Variants in ANKRD28 observed in about 807,000 individuals in gnomAD.
The protein encoded by ANKRD28 is serine/threonine-protein phosphatase 6 regulatory ankyrin repeat subunit A.
In ANKRD28, 44 loss-of-function variants were observed where a neutral mutation model predicts 126.5. The observed-to-expected ratio is 0.35, with a 90% CI of 0.27 to 0.45. The LOEUF (loss-of-function observed/expected upper bound fraction) is 0.45, where lower values mean the gene tolerates loss of function less well. ANKRD28 is among the 20% of genes least tolerant of loss of function. The pLI, the probability that ANKRD28 is intolerant of heterozygous loss-of-function variation, is 1.00. For missense variants in ANKRD28, 1,110 were observed against 1,316.6 expected, an observed-to-expected ratio of 0.84 and a Z score of 2.43; for synonymous variants, 442 against 468.5, an observed-to-expected ratio of 0.94 and a Z score of 0.73.
intron 10 of ANKRD28, among the ~76,000 whole-genome samples, chr3:15,713,286 T>G (rs1174192817): frequency 6.6e-6 from 1 of 152,166 alleles, no homozygotes; most frequent in Non-Finnish European, 1.5e-5. Context: ...TGATCAAAAC[T>G]GCGTTATTAC....
intron 1 of ANKRD28, among the ~76,000 whole-genome samples, chr3:15,805,427 T>C (rs2060557250): frequency 6.6e-6 from 1 of 152,206 alleles, no homozygotes; most frequent in Non-Finnish European, 1.5e-5. Flanking sequence ...TAAAATATCC[T>C]AGTCAATCTG....
chr3:15,796,003 T>C (rs927952591), intron 1 of ANKRD28, among the ~76,000 whole-genome samples: 1 of 152,134 alleles, frequency 6.6e-6, no homozygotes, highest in Admixed American at 6.5e-5. Context: ...TATATGTAAA[T>C]ACATAAAATT....
intron 27 of ANKRD28, among the ~76,000 whole-genome samples, chr3:15,672,215 G>A (rs558915839): frequency 1.3e-5 from 2 of 148,618 alleles, no homozygotes; most frequent in Admixed American, 6.8e-5. Context: ...TAATGATCAT[G>A]CTCACTGCAC....
At chr3:15,793,836 C>T (rs944711006) in intron 2 of ANKRD28, among the ~76,000 whole-genome samples, 1 of 152,272 alleles carries the variant, frequency 6.6e-6, no homozygotes, top group East Asian at 1.9e-4. Context: ...GAGGCCAAGG[C>T]GGGCCGATCA....
At chr3:15,779,701 G>A (rs989260875) in intron 2 of ANKRD28, among the ~76,000 whole-genome samples, 2 of 152,154 alleles carry the variant, frequency 1.3e-5, no homozygotes, top group Non-Finnish European at 2.9e-5. Context: ...CAATATGGAA[G>A]GCATGGTTCT....
At chr3:15,697,471 GAAATA>G (rs1168358963) in intron 14 of ANKRD28, 1 of 151,330 alleles carries the variant, frequency 6.6e-6, no homozygotes, top group Non-Finnish European at 1.5e-5. Flanking sequence ...AGGAACTATT[GAAATA>G]AAATACAATA....
intron 4 of ANKRD28, among the ~76,000 whole-genome samples, chr3:15,747,842 G>C (rs2057584399): frequency 1.3e-5 from 2 of 152,238 alleles, no homozygotes; most frequent in South Asian, 4.1e-4. Flanking sequence ...CTTAGGTCTA[G>C]TAGTCACTGT....
rs182933778 is a variant in ANKRD28, at chr3:15,721,182, T to A, written c.784-55A>T. On this transcript the variant is annotated intron_variant, in intron 7 of 27. Coordinates refer to ENST00000683139, the MANE Select transcript of ANKRD28 (RefSeq NM_001349278.2). ...AAAGTAGTTTTGCTAATTATCAATG[T>A]TGTGAGCTATTTTAGCAACCTGTGG... The A allele has an allele frequency of 6.2e-5, 93 of 1,496,518 alleles. 1 individual carries two copies. The highest frequency in any genetic ancestry group is 2.8e-5 in the African/African-American group (2 of 71,826). 92.7% of individuals were successfully genotyped at this position (1,496,518 alleles called of 1,614,324 possible).
At position 15,830,218 on chromosome 3, in the gene ANKRD28, G is replaced by A. The variant is rs904767061; in HGVS notation, c.27+29159C>T. 1.3e-5 allele frequency among the ~76,000 whole-genome samples: 2 copies of A among 152,090 alleles called. No homozygotes were observed. Among genetic ancestry groups the A allele is most frequent in the African/African-American group, 2.4e-5 (1 of 41,406 alleles). ...TAATGCGAATGTCGAAGTAAAAAACGCATATAACATTTTATTATTATGATA... is the reference window on the plus strand; with the variant it reads ...TAATGCGAATGTCGAAGTAAAAAACACATATAACATTTTATTATTATGATA... On this transcript the variant is annotated intron_variant, in intron 1 of 27. Transcript: ENST00000399451. The surrounding 1 kb of genome is among the most constrained non-coding windows in gnomAD (Gnocchi z 4.5).
intron 1 of ANKRD28, 123 bp downstream of exon 1, chr3:15,796,282 C>G: frequency 2.2e-6 from 1 of 448,244 alleles, no homozygotes; most frequent in South Asian, 3.1e-5. Flanking sequence ...CATATCTACA[C>G]ACGTATTGCT....
chr3:15,724,617 C>A, intron 6 of ANKRD28, 93 bp from the exon 7 acceptor site: 1 of 1,185,846 alleles, frequency 8.4e-7, no homozygotes, highest in Non-Finnish European at 1.2e-6. Context: ...TTAAAAAATG[C>A]AAAATAGATG....
At chr3:15,855,423 C>G (rs768088992) in intron 1 of ANKRD28, among the ~76,000 whole-genome samples, 3 of 152,116 alleles carry the variant, frequency 2.0e-5, no homozygotes, top group Non-Finnish European at 2.9e-5. Context: ...AAAGATGGCT[C>G]CTACACAAAA....
At chr3:15,836,244 TTA>T in intron 1 of ANKRD28, among the ~76,000 whole-genome samples, 1 of 152,044 alleles carries the variant, frequency 6.6e-6, no homozygotes, top group East Asian at 1.9e-4. Context: ...ATTACATAAA[TTA>T]ACATAATATA....
At chr3:15,736,640 T>C (rs1458470462) in intron 5 of ANKRD28, among the ~76,000 whole-genome samples, 1 of 152,256 alleles carries the variant, frequency 6.6e-6, no homozygotes. Flanking sequence ...TTTTGATGGT[T>C]CTGTCACTAA....
chr3:15,721,741 G>A lies in ANKRD28; in HGVS notation c.784-614C>T, dbSNP rs1017797107. 7.9e-5 allele frequency among the ~76,000 whole-genome samples: 12 copies of A among 152,212 alleles called. No homozygotes were observed. In the South Asian group the frequency reaches 1.0e-3, roughly 13 times the overall value. ...AATGAGAAACAATTCATGTAATTAA[G>A]GGTTTTGCTTTTCTTTTTTTTGAGA... On this transcript the variant is annotated intron_variant, in intron 7 of 27. Coordinates refer to ENST00000683139, the MANE Select transcript of ANKRD28 (RefSeq NM_001349278.2).
At chr3:15,788,613 A>G (rs569618717) in intron 2 of ANKRD28, among the ~76,000 whole-genome samples, 12 of 152,190 alleles carry the variant, frequency 7.9e-5, no homozygotes, top group Non-Finnish European at 1.6e-4. Flanking sequence ...TAAAAAATTA[A>G]TATTTGTAGA....
intron 4 of ANKRD28, among the ~76,000 whole-genome samples, chr3:15,743,864 G>A (rs746346384): frequency 3.9e-5 from 6 of 152,074 alleles, no homozygotes; most frequent in Non-Finnish European, 5.9e-5. Flanking sequence ...AAGGTAGTAC[G>A]GTATGTGCTA....
rs1476236468 is a variant in ANKRD28, at chr3:15,839,683, T to TA, written c.27+19693dup. ...TAGCAAACCAAATTCAACAACACAC[T>TA]AAAAAAAATCATTCATCATGACCAA... On this transcript the variant is annotated intron_variant, in intron 1 of 27. Coordinates refer to the ANKRD28 transcript ENST00000399451. This position sits in a 1 kb window ranked among gnomAD's most constrained non-coding sequence, Gnocchi z 4.3. Among the ~76,000 whole-genome samples the TA allele has an allele frequency of 2.0e-5, 3 of 151,278 alleles. No individual in the cohort carries two copies. Among genetic ancestry groups the TA allele is most frequent in the Non-Finnish European group, 2.9e-5 (2 of 67,800 alleles).
chr3:15,678,020 G>GA (rs906914985), intron 24 of ANKRD28, among the ~76,000 whole-genome samples, 189 bp downstream of exon 24: 1 of 152,144 alleles, frequency 6.6e-6, no homozygotes, highest in Non-Finnish European at 1.5e-5. Context: ...TGGTAAAGTA[G>GA]ACTCCTCAAT....
Sources: allele counts gnomAD v4.1 joint callset (sites outside exome capture counted in the v4.1 genomes callset), GRCh38; gene constraint gnomAD v4.1.1; non-coding constraint Gnocchi (gnomAD v3.1); transcripts MANE v1.5; gene names NCBI Gene and HGNC (gene_info 2026-07-23, HGNC 2026-07-21).